CEP152: variants seen among roughly 807,000 people sequenced by gnomAD.
The protein encoded by CEP152 is centrosomal protein of 152 kDa.
CEP152 carries 132 observed loss-of-function variants against 188.9 expected under a neutral mutation model. The observed-to-expected ratio is 0.70, with a 90% CI of 0.61 to 0.81. The LOEUF is 0.81. Among genes scored for constraint, CEP152 ranks in the 30% least tolerant of loss-of-function variants. The pLI, the probability that CEP152 is intolerant of heterozygous loss-of-function variation, is 0.00. For missense variants in CEP152, 1,914 were observed against 1,969.8 expected (o/e 0.97, Z 0.54); for synonymous variants, 649 against 666.6 (o/e 0.97, Z 0.41).
At chr15:48,739,348 T>G in intron 26 of CEP152, 60 bp from the exon 27 acceptor site, 7 of 1,514,858 alleles carry the variant, frequency 4.6e-6, no homozygotes, top group Non-Finnish European at 6.1e-6. Context: ...GGAAGATTCA[T>G]CCTTGAACAA....
In CEP152 at chr15:48,748,439, T is replaced by C; in HGVS notation, c.3634+4A>G. 1.3e-6 allele frequency: 2 copies of C among 1,527,306 alleles called. No homozygotes were observed. Among genetic ancestry groups the C allele is most frequent in the Admixed American group, 2.0e-5 (1 of 49,286 alleles). 94.6% of individuals were successfully genotyped at this position (1,527,306 alleles called of 1,614,324 possible). On this transcript the variant is annotated splice_donor_region_variant and intron_variant, in intron 22 of 26. Transcript: ENST00000380950. Reference sequence around the variant, plus strand: ...TTGGTAGCAGTGCTACTTTAAATGCTAACCTCCAATTTTTTCCACTACAGC... The same window carrying C: ...TTGGTAGCAGTGCTACTTTAAATGCCAACCTCCAATTTTTTCCACTACAGC...
In CEP152 at chr15:48,784,040, C is replaced by A; in HGVS notation, c.1254G>T (p.Glu418Asp). 1 of 1,613,816 alleles carries A rather than the reference C, an allele frequency of 6.2e-7. No individual in the cohort carries two copies. The highest frequency in any genetic ancestry group is 1.1e-5 in the South Asian group (1 of 91,056). The change falls in exon 10 of 27, where the codon GAG (glutamate) becomes GAT (aspartate). Residue 418 changes from glutamate to aspartate, a missense_variant. Glu to Asp is a conservative substitution (Grantham distance 45). Transcript: ENST00000380950. ...GACTTCTTGTCAACTTATTAATGATCTCAGTCTTTTCTAACTTGATTGCTT... is the reference window on the plus strand; with the variant it reads ...GACTTCTTGTCAACTTATTAATGATATCAGTCTTTTCTAACTTGATTGCTT... The part of the protein sequence containing the change: ...NQEAIKLEKT[E>D]IINKLTRSLE...
chr15:48,767,437 T>C lies in CEP152; in HGVS notation c.2045A>G (p.His682Arg), dbSNP rs1021978522. The change falls in exon 16 of 27, where the codon CAT becomes CGT. Residue 682 changes from histidine to arginine, a missense_variant. By Grantham distance (29) the His-to-Arg change is conservative. Transcript: ENST00000380950. ...ACGTATTTGAGTTTTCATGGCTTCA[T>C]GGTGCTGCTGATAAGTCCTTTCACA... ...DRCERTYQQH[H>R]EAMKTQIRES... 4 of 1,614,062 alleles carry C rather than the reference T, an allele frequency of 2.5e-6. No homozygotes were observed. In the African/African-American group the frequency reaches 4.0e-5, roughly 16 times the overall value.
intron 7 of CEP152, among the ~76,000 whole-genome samples, chr15:48,792,179 A>G (rs551136251): frequency 6.6e-6 from 1 of 152,154 alleles, no homozygotes; most frequent in African/African-American, 2.4e-5. Context: ...TTTAGTAGAG[A>G]TGGGGTTTCA....
At chr15:48,759,737 A>G (rs1354561533) in intron 19 of CEP152, among the ~76,000 whole-genome samples, 6 of 152,208 alleles carry the variant, frequency 3.9e-5, no homozygotes, top group South Asian at 4.1e-4. Flanking sequence ...GTCAAGAAAC[A>G]TGACATTTCT....
intron 15 of CEP152, 25 bp downstream of exon 15, chr15:48,768,194 C>T (rs746522099): frequency 5.2e-6 from 7 of 1,343,502 alleles, no homozygotes; most frequent in East Asian, 2.3e-5. Flanking sequence ...AGGAGACAGT[C>T]GTCAGGCATC....
chr15:48,807,502 C>G (rs1201960736), intron 1 of CEP152, among the ~76,000 whole-genome samples: 1 of 151,332 alleles, frequency 6.6e-6, no homozygotes, highest in East Asian at 1.9e-4. Flanking sequence ...TTGCAGTGAG[C>G]CGAGATTGCG....
chr15:48,742,325 A>T (rs753523803), intron 24 of CEP152, among the ~76,000 whole-genome samples: 1 of 152,226 alleles, frequency 6.6e-6, no homozygotes, highest in Non-Finnish European at 1.5e-5. Flanking sequence ...TGACAGCTAC[A>T]TATAGTAAGG....
chr15:48,778,353 A>G (rs1190443375), intron 12 of CEP152, among the ~76,000 whole-genome samples: 2 of 152,206 alleles, frequency 1.3e-5, no homozygotes, highest in Non-Finnish European at 2.9e-5. Context: ...ATCACAGTAG[A>G]CCAGGGGAAA....
In CEP152 at chr15:48,741,597, A is replaced by G. The variant is rs1254165941; in HGVS notation, c.4093+4T>C. On this transcript the variant is annotated splice_donor_region_variant and intron_variant, in intron 26 of 26. Coordinates refer to ENST00000380950, the MANE Select transcript of CEP152 (RefSeq NM_001194998.2). ...AAACCATTTGGCGACTCACTTTGACATACCTGACTGTGTAGTTTTGCTTTG... is the reference window on the plus strand; with the variant it reads ...AAACCATTTGGCGACTCACTTTGACGTACCTGACTGTGTAGTTTTGCTTTG... 1 of 1,614,186 alleles carries G rather than the reference A, an allele frequency of 6.2e-7. No homozygotes were observed. The highest frequency in any genetic ancestry group is 8.5e-7 in the Non-Finnish European group (1 of 1,180,016).
chr15:48,790,400 T>C (rs1376490594), intron 8 of CEP152, among the ~76,000 whole-genome samples: 3 of 152,188 alleles, frequency 2.0e-5, no homozygotes, highest in African/African-American at 7.2e-5. Context: ...CTACCTTACA[T>C]ATAAAGTGAA....
At chr15:48,804,749 T>C (rs1211894034) in intron 2 of CEP152, among the ~76,000 whole-genome samples, 1 of 152,236 alleles carries the variant, frequency 6.6e-6, no homozygotes, top group African/African-American at 2.4e-5. Context: ...AAAAATATGA[T>C]ATCAATTTTC....
chr15:48,764,668 T>G (rs1012077108), intron 17 of CEP152, among the ~76,000 whole-genome samples: 1 of 152,182 alleles, frequency 6.6e-6, no homozygotes, highest in African/African-American at 2.4e-5. Context: ...TATGATTTTT[T>G]CCCCCTTTCT....
chr15:48,737,134 C>T (rs1168161593), downstream of CEP152, among the ~76,000 whole-genome samples: 1 of 152,128 alleles, frequency 6.6e-6, no homozygotes, highest in Non-Finnish European at 1.5e-5. Flanking sequence ...AAAAAGTTTT[C>T]CTTCTCGGTT....
chr15:48,743,689 C>G (rs1019704246), intron 24 of CEP152, among the ~76,000 whole-genome samples: 4 of 152,050 alleles, frequency 2.6e-5, no homozygotes, highest in African/African-American at 7.2e-5. Context: ...ACGGTGAAAC[C>G]CTGTCTCTAC....
intron 10 of CEP152, 102 bp from the exon 11 acceptor site, chr15:48,782,332 T>G: frequency 1.0e-6 from 1 of 979,648 alleles, no homozygotes; most frequent in Non-Finnish European, 1.6e-6. Flanking sequence ...GAAAGTAAAG[T>G]TCTGCTTTAC....
intron 17 of CEP152, among the ~76,000 whole-genome samples, chr15:48,764,283 T>G (rs1313010988): frequency 6.6e-6 from 1 of 152,208 alleles, no homozygotes; most frequent in Non-Finnish European, 1.5e-5. Flanking sequence ...AATATCAGTT[T>G]CTTGATCTTT....
intron 9 of CEP152, among the ~76,000 whole-genome samples, chr15:48,786,285 C>T (rs979226564): frequency 6.6e-6 from 1 of 151,796 alleles, no homozygotes; most frequent in Non-Finnish European, 1.5e-5. Flanking sequence ...CGATAGTTTA[C>T]TAGGAGAGAA....
At chr15:48,799,214 G>A (rs1330760369) in intron 2 of CEP152, among the ~76,000 whole-genome samples, 1 of 151,500 alleles carries the variant, frequency 6.6e-6, no homozygotes, top group Non-Finnish European at 1.5e-5. Flanking sequence ...CACTTTACCT[G>A]TCATTAGTAC....
Sources: gnomAD v4.1 joint callset for allele counts (sites outside exome capture counted in the v4.1 genomes callset) on GRCh38, gnomAD v4.1.1 for gene constraint, MANE v1.5 for transcripts, NCBI Gene and HGNC (gene_info 2026-07-23, HGNC 2026-07-21) for gene names.